Variants in EIF2AK3 observed in about 807,000 individuals in gnomAD.
The protein encoded by EIF2AK3 is eukaryotic translation initiation factor 2-alpha kinase 3.
Under a neutral mutation model 113.5 loss-of-function variants are expected in EIF2AK3, and 50 were observed. The ratio of observed to expected loss-of-function variants is 0.44; its 90% CI spans 0.35 to 0.56. EIF2AK3 has a LOEUF of 0.56. Among genes scored for constraint, EIF2AK3 ranks in the 20% least tolerant of loss-of-function variants. The probability of loss-of-function intolerance (pLI) is 0.00; values close to 1 mark genes in which losing one functional copy is unlikely to be tolerated. For missense variants in EIF2AK3, 1,185 were observed against 1,378.0 expected, an observed-to-expected ratio of 0.86 and a Z score of 2.22; for synonymous variants, 448 against 495.4, an observed-to-expected ratio of 0.90 and a Z score of 1.27.
intron 2 of EIF2AK3, among the ~76,000 whole-genome samples, chr2:88,603,354 A>G (rs1675198700): frequency 6.6e-6 from 1 of 152,192 alleles, no homozygotes; most frequent in African/African-American, 2.4e-5. Context: ...TGCTTTTATC[A>G]CTTTGGGCAT....
At chr2:88,607,364 A>G (rs1675303817) in intron 2 of EIF2AK3, among the ~76,000 whole-genome samples, 1 of 152,230 alleles carries the variant, frequency 6.6e-6, no homozygotes, top group Non-Finnish European at 1.5e-5. Context: ...ATTCTTAGCT[A>G]CTATTAACTG....
intron 2 of EIF2AK3, among the ~76,000 whole-genome samples, chr2:88,607,175 CAAAT>C (rs1403649823): frequency 1.3e-5 from 2 of 151,978 alleles, no homozygotes; most frequent in Non-Finnish European, 2.9e-5. Context: ...TGAAGTGATC[CAAAT>C]GTAGCCCAGA....
intron 1 of EIF2AK3, among the ~76,000 whole-genome samples, chr2:88,617,024 A>G (rs1675604303): frequency 6.6e-6 from 1 of 152,214 alleles, no homozygotes. Flanking sequence ...GGTTGGAATT[A>G]AGAAGCACCA....
In EIF2AK3 at chr2:88,627,459, C is replaced by CA. The variant is rs1408742206; in HGVS notation, c.-186dup. 4.4e-6 allele frequency: 3 copies of CA among 678,026 alleles called. No individual in the cohort carries two copies. Among genetic ancestry groups the CA allele is most frequent in the Non-Finnish European group, 4.3e-6 (2 of 469,958 alleles). The allele number at this position is 678,026 out of a possible 1,614,324, so 42.0% of individuals were successfully genotyped here. On this transcript the variant is annotated 5_prime_UTR_variant, in exon 1 of 17. Coordinates refer to ENST00000303236, the MANE Select transcript of EIF2AK3 (RefSeq NM_004836.7). ...GCCTCTGCCGCTGCCACCTGAGTGA[C>CA]AGCCTATCTCGGACATCGCCCATTG...
At chr2:88,572,652 T>G (rs1451826826) in intron 13 of EIF2AK3, among the ~76,000 whole-genome samples, 1 of 152,242 alleles carries the variant, frequency 6.6e-6, no homozygotes, top group Non-Finnish European at 1.5e-5. Context: ...TTTACCTGAA[T>G]TCTCAACAGT....
chr2:88,593,401 C>T lies in EIF2AK3; in HGVS notation c.638G>A (p.Arg213Lys). The T allele has an allele frequency of 3.7e-6, 6 of 1,613,800 alleles. No homozygotes were observed. The highest frequency in any genetic ancestry group is 5.1e-6 in the Non-Finnish European group (6 of 1,179,914). ...YGLSAYSGKV[R>K]YICSALGCRQ... ...ACAACCCAGAGCTGAACAGATATAC[C>T]TCACCTGAAAAGACAAAATTAGATA... The change falls in exon 4 of 17, where the codon AGG (arginine) becomes AAG (lysine). Residue 213 changes from arginine (R) to lysine (K), a missense_variant. Coordinates refer to ENST00000303236, the MANE Select transcript of EIF2AK3 (RefSeq NM_004836.7).
chr2:88,625,554 G>C (rs968888401), intron 1 of EIF2AK3, among the ~76,000 whole-genome samples: 7 of 152,146 alleles, frequency 4.6e-5, no homozygotes, highest in Non-Finnish European at 1.0e-4. Context: ...ACTGTTTCTA[G>C]TCTGTAATGT....
intron 11 of EIF2AK3, among the ~76,000 whole-genome samples, chr2:88,577,337 A>G (rs1438589628): frequency 6.6e-6 from 1 of 152,124 alleles, no homozygotes; most frequent in Non-Finnish European, 1.5e-5. Context: ...AAAAAATACA[A>G]GTATTTCAGT....
At chr2:88,584,978 C>T (rs1674683712) in intron 9 of EIF2AK3, among the ~76,000 whole-genome samples, 1 of 152,028 alleles carries the variant, frequency 6.6e-6, no homozygotes, top group South Asian at 2.1e-4. Context: ...TGGACTTGAG[C>T]CTAACAATGG....
intron 2 of EIF2AK3, among the ~76,000 whole-genome samples, chr2:88,607,482 A>G (rs2104460915): frequency 6.6e-6 from 1 of 152,328 alleles, no homozygotes; most frequent in South Asian, 2.1e-4. Context: ...TAACGGTTTT[A>G]GCTTGGTTAT....
intron 15 of EIF2AK3, 125 bp downstream of exon 15, chr2:88,562,164 C>G: frequency 1.3e-6 from 1 of 746,382 alleles, no homozygotes; most frequent in Non-Finnish European, 2.4e-6. Flanking sequence ...ACTCACATCA[C>G]CTCTTTCACT....
Position 88,557,874 on chromosome 2 carries a change from G to A in EIF2AK3, c.3213C>T (p.Ile1071=). 1 of 1,614,118 alleles carries A rather than the reference G, an allele frequency of 6.2e-7. No homozygotes were observed. The highest frequency in any genetic ancestry group is 8.5e-7 in the Non-Finnish European group (1 of 1,179,988). Residue 1071 remains isoleucine, a synonymous_variant, in exon 17 of 17, where the codon ATC becomes ATT. Coordinates refer to ENST00000303236, the MANE Select transcript of EIF2AK3 (RefSeq NM_004836.7). The part of the protein sequence containing the change: ...SPMERPEAIN[I]IENAVFEDLD... ...AGTCCTCAAATACAGCATTTTCAAT[G>A]ATGTTTATAGCTTCAGGTCGTTCCA...
In EIF2AK3 at chr2:88,557,756, T is replaced by C; in HGVS notation, c.3331A>G (p.Ser1111Gly). The change falls in exon 17 of 17, where the codon AGC becomes GGC. Residue 1111 changes from serine (S) to glycine (G), a missense_variant. By Grantham distance (56) the Ser-to-Gly change is moderately conservative (BLOSUM62 0). Around this residue, in one of 3 missense-constraint regions of EIF2AK3, gnomAD observed 877 missense variants for 1,024.2 expected, o/e 0.86. Coordinates refer to ENST00000303236, the MANE Select transcript of EIF2AK3 (RefSeq NM_004836.7). ...KHSRQSNNSH[S>G]PLPSN ...TAAGGCTAATTGCTTGGCAAAGGGC[T>C]ATGGGAGTTGTTGGACTGTCTTGAA... is the stretch of plus-strand genomic sequence containing the variant. 6.2e-6 allele frequency: 10 copies of C among 1,614,174 alleles called. No individual in the cohort carries two copies. The highest frequency in any genetic ancestry group is 8.5e-6 in the Non-Finnish European group (10 of 1,179,986).
chr2:88,612,787 T>A (rs979499169), intron 2 of EIF2AK3, among the ~76,000 whole-genome samples: 7 of 152,154 alleles, frequency 4.6e-5, no homozygotes, highest in Non-Finnish European at 1.0e-4. Flanking sequence ...GTCTTTTCCA[T>A]ACTTAATATC....
intron 11 of EIF2AK3, among the ~76,000 whole-genome samples, chr2:88,579,277 A>G (rs1382083752): frequency 6.6e-6 from 1 of 152,228 alleles, no homozygotes; most frequent in East Asian, 1.9e-4. Flanking sequence ...ATAAGCCACT[A>G]AACGAAAGTC....
chr2:88,590,741 C>T (rs1217896075), intron 5 of EIF2AK3, 77 bp downstream of exon 5: 9 of 1,577,036 alleles, frequency 5.7e-6, no homozygotes, highest in Middle Eastern at 1.7e-4. Context: ...GTAGTAATTT[C>T]GTTCCACCCA....
Position 88,585,931 on chromosome 2 carries a change from G to C in EIF2AK3, c.1560C>G (p.His520Gln). 1.2e-6 allele frequency: 2 copies of C among 1,614,128 alleles called. No individual in the cohort carries two copies. The highest frequency in any genetic ancestry group is 1.7e-6 in the Non-Finnish European group (2 of 1,179,992). The stretch of plus-strand genomic sequence containing the variant: ...TCGTTGCAACTATTTCTTTCCACCA[G>C]TGTAAAAGAAGAACAGGATCCTTTT... ...IRKKDPVLLLHWWKEIVATIL... is the reference protein window; with the variant it reads ...IRKKDPVLLLQWWKEIVATIL... Residue 520 changes from histidine to glutamine, a missense_variant, in exon 9 of 17, where the codon CAC becomes CAG. This residue lies in a region of EIF2AK3 where 877 missense variants were observed against 1,024.2 expected (regional missense o/e 0.86). Transcript: ENST00000303236.
chr2:88,601,646 C>G (rs557749948), intron 2 of EIF2AK3, among the ~76,000 whole-genome samples: 9 of 152,220 alleles, frequency 5.9e-5, no homozygotes, highest in Non-Finnish European at 1.3e-4. Flanking sequence ...TGTTTGCATG[C>G]CCCACTTTTA....
chr2:88,582,581 C>G (rs1674626341), intron 10 of EIF2AK3, among the ~76,000 whole-genome samples: 1 of 152,054 alleles, frequency 6.6e-6, no homozygotes. Flanking sequence ...CAAGTATTTC[C>G]TTAATTTGTT....
Sources: allele counts gnomAD v4.1 joint callset (sites outside exome capture counted in the v4.1 genomes callset), GRCh38; gene constraint gnomAD v4.1.1; regional missense constraint gnomAD v4.1.1; transcripts MANE v1.5; gene names NCBI Gene and HGNC (gene_info 2026-07-23, HGNC 2026-07-21).